The following ELOVL5 variants were observed in gnomAD, a reference collection of about 807,000 sequenced individuals.
ELOVL5 encodes ELOVL fatty acid elongase 5, also known as very long chain fatty acid elongase 5.
Under a neutral mutation model 38.6 loss-of-function variants are expected in ELOVL5, and 8 were observed. That is an observed-to-expected ratio of 0.21 (90% confidence interval 0.12 to 0.37). ELOVL5 has a LOEUF of 0.37. Among genes scored for constraint, ELOVL5 ranks in the 10% least tolerant of loss-of-function variants. The pLI is 1.00. For synonymous variants in ELOVL5, 127 were observed against 133.7 expected (o/e 0.95, Z 0.34); for missense variants, 280 against 367.8 (o/e 0.76, Z 1.95).
chr6:53,306,381 GGAGAGA>G lies in ELOVL5; in HGVS notation c.-8-10680_-8-10675del, dbSNP rs138445249. ...GAGAGAGAGAGGGGAGAGGGAGAGGGGAGAGAGAGAGGGGAGAGGGGCAAACACACA... is the reference window on the plus strand; with the variant it reads ...GAGAGAGAGAGGGGAGAGGGAGAGGGGAGAGGGGAGAGGGGCAAACACACA... On this transcript the variant is annotated intron_variant, in intron 1 of 7. Transcript: ENST00000304434. Among the ~76,000 whole-genome samples the G allele has an allele frequency of 5.0e-3, 200 of 40,058 alleles. 75 individuals are homozygous for G. Among genetic ancestry groups the G allele is most frequent in the African/African-American group, 0.032 (102 of 3,156 alleles). 26.3% of individuals were successfully genotyped at this position (40,058 alleles called of 152,430 possible).
At chr6:53,341,955 TGCTGA>T (rs1366902920) in intron 1 of ELOVL5, among the ~76,000 whole-genome samples, 1 of 152,196 alleles carries the variant, frequency 6.6e-6, no homozygotes, top group Non-Finnish European at 1.5e-5. Context: ...GTGACTTACC[TGCTGA>T]AGCCCACGCA....
intron 1 of ELOVL5, among the ~76,000 whole-genome samples, chr6:53,330,982 A>C (rs1213660046): frequency 6.6e-6 from 1 of 152,180 alleles, no homozygotes; most frequent in Non-Finnish European, 1.5e-5. Context: ...ACCTCCTGAA[A>C]GACCTGCCGG....
intron 1 of ELOVL5, among the ~76,000 whole-genome samples, chr6:53,302,237 G>A (rs1172465178): frequency 6.6e-6 from 1 of 152,224 alleles, no homozygotes; most frequent in Non-Finnish European, 1.5e-5. Context: ...CCAGGGGCAA[G>A]TATATGCCCA....
intron 1 of ELOVL5, among the ~76,000 whole-genome samples, chr6:53,309,883 T>G (rs967899698): frequency 6.6e-6 from 1 of 152,190 alleles, no homozygotes; most frequent in Non-Finnish European, 1.5e-5. Flanking sequence ...TGCAGCCTCA[T>G]GAAAGACCCT....
At chr6:53,287,992 A>C in intron 3 of ELOVL5, 1 of 1,442,956 alleles carries the variant, frequency 6.9e-7, no homozygotes, top group Non-Finnish European at 9.4e-7. Flanking sequence ...AAGAGGTCTG[A>C]GGCACAGCAG....
intron 1 of ELOVL5, among the ~76,000 whole-genome samples, chr6:53,317,967 T>C (rs9474484): frequency 0.36 from 55,154 of 151,922 alleles, 11,118 homozygotes; most frequent in African/African-American, 0.55. Context: ...ATACTCACTC[T>C]ATCCTTACTA....
At chr6:53,348,611 C>T (rs1769686778) in intron 1 of ELOVL5, among the ~76,000 whole-genome samples, 1 of 152,224 alleles carries the variant, frequency 6.6e-6, no homozygotes, top group African/African-American at 2.4e-5. Flanking sequence ...ACCCCTTTCC[C>T]CGCGCCCGAG....
At position 53,333,083 on chromosome 6, in the gene ELOVL5, G is replaced by C. The variant is rs564991520; in HGVS notation, c.-9+15734C>G. 2.0e-5 allele frequency among the ~76,000 whole-genome samples: 3 copies of C among 152,326 alleles called. No homozygotes were observed. The South Asian group carries it at 6.2e-4, about 32-fold the overall frequency. ...TGGGAGTGACACTCCACCTCTCCAA[G>C]CATGCCTTTCAGGGTTGGGAAGAGT... On this transcript the variant is annotated intron_variant, in intron 1 of 7. Transcript: ENST00000304434.
chr6:53,295,998 TG>T (rs1243213561), intron 1 of ELOVL5, among the ~76,000 whole-genome samples: 3 of 151,948 alleles, frequency 2.0e-5, no homozygotes, highest in Admixed American at 6.5e-5. Context: ...GAAATCTCAG[TG>T]GGGAAAAAAG....
intron 3 of ELOVL5, among the ~76,000 whole-genome samples, chr6:53,284,301 C>CT (rs5876312): frequency 2.4e-4 from 36 of 147,964 alleles, no homozygotes; most frequent in East Asian, 2.0e-3. Context: ...GCAAGACCAT[C>CT]TTTTTTTTTT....
At chr6:53,272,378 C>A (rs2127565954) in intron 6 of ELOVL5, among the ~76,000 whole-genome samples, 1 of 152,222 alleles carries the variant, frequency 6.6e-6, no homozygotes, top group South Asian at 2.1e-4. Context: ...CTCAAGTGAT[C>A]CTCCTGCCTC....
At chr6:53,275,707 G>T (rs556670656) in intron 4 of ELOVL5, among the ~76,000 whole-genome samples, 2 of 152,216 alleles carry the variant, frequency 1.3e-5, no homozygotes, top group African/African-American at 4.8e-5. Context: ...AGAACCTGCA[G>T]TGTCAGGTCT....
At chr6:53,294,953 AC>A (rs1429334049) in intron 2 of ELOVL5, among the ~76,000 whole-genome samples, 1 of 152,258 alleles carries the variant, frequency 6.6e-6, no homozygotes. Context: ...CCACGCCTTC[AC>A]TATTATCACT....
At position 53,291,902 on chromosome 6, in the gene ELOVL5, G is replaced by A; in HGVS notation, c.120C>T (p.Val40=). 6.2e-7 allele frequency: 1 copy of A among 1,611,628 alleles called. No homozygotes were observed. Among genetic ancestry groups the A allele is most frequent in the South Asian group, 1.1e-5 (1 of 90,894 alleles). Residue 40 remains valine, a synonymous_variant, in exon 3 of 8, where the codon GTC becomes GTT. Coordinates refer to ENST00000304434, the MANE Select transcript of ELOVL5 (RefSeq NM_021814.5). ...DNYIPTFICS[V]IYLLIVWLGP... Reference sequence around the variant, plus strand: ...CCAGCCATACAATTAGTAAATATATGACAGAGCAGATAAATGTGGGTATAT... The same window carrying A: ...CCAGCCATACAATTAGTAAATATATAACAGAGCAGATAAATGTGGGTATAT...
chr6:53,327,478 A>C (rs1012295316), intron 1 of ELOVL5, among the ~76,000 whole-genome samples: 1 of 150,118 alleles, frequency 6.7e-6, no homozygotes, highest in Non-Finnish European at 1.5e-5. Context: ...AATATTCAGA[A>C]TAGGCAAATC....
intron 1 of ELOVL5, among the ~76,000 whole-genome samples, chr6:53,342,342 G>A (rs944498414): frequency 6.6e-6 from 1 of 152,208 alleles, no homozygotes; most frequent in South Asian, 2.1e-4. Context: ...CTTCAGGGAA[G>A]GAGAAATTCA....
At chr6:53,305,537 C>A (rs1259946708) in intron 1 of ELOVL5, among the ~76,000 whole-genome samples, 2 of 150,006 alleles carry the variant, frequency 1.3e-5, no homozygotes, top group Non-Finnish European at 3.0e-5. Context: ...GGCGGCCGGG[C>A]AGAGACGCTC....
Position 53,331,562 on chromosome 6 carries a change from T to TGGGACC in ELOVL5, c.-9+17254_-9+17255insGGTCCC, listed in dbSNP as rs2127591621. On this transcript the variant is annotated intron_variant, in intron 1 of 7. Transcript: ENST00000304434. ...TACTTCACCAGGCAAGAGGAATTTTTCAGTTCCATTATAATCTTATGGGAC... is the reference window on the plus strand; with the variant it reads ...TACTTCACCAGGCAAGAGGAATTTTTGGGACCCAGTTCCATTATAATCTTATGGGAC... 2.0e-5 allele frequency among the ~76,000 whole-genome samples: 3 copies of TGGGACC among 152,300 alleles called. No homozygotes were observed. The South Asian group carries it at 6.2e-4, about 32-fold the overall frequency.
chr6:53,302,249 G>A (rs1191365934), intron 1 of ELOVL5, among the ~76,000 whole-genome samples: 1 of 152,320 alleles, frequency 6.6e-6, no homozygotes, highest in South Asian at 2.1e-4. Flanking sequence ...ATATGCCCAG[G>A]TGAATCACGT....
Sources: allele counts gnomAD v4.1 joint callset (sites outside exome capture counted in the v4.1 genomes callset), GRCh38; gene constraint gnomAD v4.1.1; transcripts MANE v1.5; gene names NCBI Gene and HGNC (gene_info 2026-07-23, HGNC 2026-07-21).